DAB1: variants seen among roughly 807,000 people sequenced by gnomAD.
The protein encoded by DAB1 is DAB adaptor protein 1.
A neutral mutation model predicts 64.6 loss-of-function variants in DAB1; 15 were observed. That is an observed-to-expected ratio of 0.23 (90% CI 0.16 to 0.36). DAB1 has a LOEUF of 0.36. Among genes scored for constraint, DAB1 ranks in the 10% least tolerant of loss-of-function variants. The probability of loss-of-function intolerance (pLI) is 1.00; values close to 1 mark genes in which losing one functional copy is unlikely to be tolerated. For synonymous variants in DAB1, 235 were observed against 251.9 expected (o/e 0.93, Z 0.64); for missense variants, 596 against 706.7 (o/e 0.84, Z 1.78).
chr1:57,120,148 G>T (rs1369781020), intron 4 of DAB1, among the ~76,000 whole-genome samples: 1 of 152,026 alleles, frequency 6.6e-6, no homozygotes, highest in African/African-American at 2.4e-5. Flanking sequence ...ACAACACCTG[G>T]GTTTCAAAAC....
intron 7 of DAB1, among the ~76,000 whole-genome samples, chr1:57,612,297 A>T (rs933087695): frequency 6.6e-6 from 1 of 151,998 alleles, no homozygotes; most frequent in Non-Finnish European, 1.5e-5. Context: ...GGTCTCAAAG[A>T]TGTCCACATC....
chr1:57,695,959 TTCCAATAATC>T (rs1276101897), intron 6 of DAB1, among the ~76,000 whole-genome samples: 1 of 152,082 alleles, frequency 6.6e-6, no homozygotes. Flanking sequence ...TTTTCTGTAG[TTCCAATAATC>T]CCAAATTATT....
intron 2 of DAB1, among the ~76,000 whole-genome samples, chr1:57,200,213 T>G (rs1414965582): frequency 6.6e-6 from 1 of 152,212 alleles, no homozygotes; most frequent in Non-Finnish European, 1.5e-5. Flanking sequence ...CTGTTTCCCT[T>G]TAGCCTGAAG....
chr1:57,963,360 A>T (rs886904520), intron 5 of DAB1, among the ~76,000 whole-genome samples: 1 of 152,188 alleles, frequency 6.6e-6, no homozygotes, highest in South Asian at 2.1e-4. Flanking sequence ...GGAAAAAGTG[A>T]CATTAGGCTG....
rs1204424298 is a variant in DAB1, at chr1:57,015,062, T to A, written c.1265A>T (p.Gln422Leu). ...TTTGCGGGAGGGCACGGGCGGAGGCTGGGCCATCTGGAAATCCTTAAACGT... is the reference window on the plus strand; with the variant it reads ...TTTGCGGGAGGGCACGGGCGGAGGCAGGGCCATCTGGAAATCCTTAAACGT... ...KETFKDFQMAQPPPVPSRKPD... is the reference protein window; with the variant it reads ...KETFKDFQMALPPPVPSRKPD... Residue 422 changes from glutamine (Q) to leucine (L), a missense_variant, in exon 12 of 15, where the codon CAG (glutamine) becomes CTG (leucine). Around this residue, in one of 3 missense-constraint regions of DAB1, gnomAD observed 377 missense variants for 400.4 expected, o/e 0.94. Coordinates refer to ENST00000371236, the MANE Select transcript of DAB1 (RefSeq NM_001365792.1). 2.5e-6 allele frequency: 4 copies of A among 1,614,064 alleles called. No individual in the cohort carries two copies. The highest frequency in any genetic ancestry group is 2.2e-5 in the South Asian group (2 of 91,074).
intron 4 of DAB1, among the ~76,000 whole-genome samples, chr1:57,097,886 TCC>T (rs1654314888): frequency 6.6e-6 from 1 of 152,038 alleles, no homozygotes; most frequent in Non-Finnish European, 1.5e-5. Context: ...CATGCCATTC[TCC>T]TCCCTCAGCC....
intron 3 of DAB1, among the ~76,000 whole-genome samples, chr1:58,350,307 G>T (rs1227219540): frequency 6.6e-6 from 1 of 152,062 alleles, no homozygotes; most frequent in Non-Finnish European, 1.5e-5. Context: ...GGGGTTGTTT[G>T]TTTTTCTCTT....
intron 3 of DAB1, among the ~76,000 whole-genome samples, chr1:58,376,544 T>C (rs1442645211): frequency 7.5e-5 from 11 of 146,418 alleles, no homozygotes; most frequent in African/African-American, 2.0e-4. Context: ...GTCTGAGAGA[T>C]AGTTTGTTAT....
At chr1:57,173,042 C>A (rs927503645) in intron 2 of DAB1, among the ~76,000 whole-genome samples, 11 of 152,060 alleles carry the variant, frequency 7.2e-5, no homozygotes, top group African/African-American at 2.4e-4. Flanking sequence ...AAGTATTAGT[C>A]CTTCATAATA....
intron 4 of DAB1, among the ~76,000 whole-genome samples, chr1:57,077,503 A>G (rs1043001407): frequency 6.6e-6 from 1 of 152,234 alleles, no homozygotes; most frequent in African/African-American, 2.4e-5. Context: ...TGGATGCTCA[A>G]TACATGTTCA....
intron 3 of DAB1, among the ~76,000 whole-genome samples, chr1:58,356,270 G>C (rs1028675188): frequency 9.9e-5 from 15 of 152,120 alleles, no homozygotes; most frequent in Admixed American, 6.5e-5. Context: ...TGGCAGTATT[G>C]ACCTGTATAT....
At chr1:57,899,715 A>G (rs1644445284) in intron 5 of DAB1, among the ~76,000 whole-genome samples, 1 of 151,992 alleles carries the variant, frequency 6.6e-6, no homozygotes, top group Admixed American at 6.6e-5. Context: ...AAAGTACTTT[A>G]GAAGCCTCGT....
At chr1:57,262,783 C>T (rs544215384) in intron 2 of DAB1, among the ~76,000 whole-genome samples, 1 of 152,324 alleles carries the variant, frequency 6.6e-6, no homozygotes, top group East Asian at 1.9e-4. Context: ...CAGCATCCTG[C>T]TCCCAGCCAG....
At chr1:58,484,115 AG>A (rs1276649078) in intron 3 of DAB1, among the ~76,000 whole-genome samples, 1 of 152,234 alleles carries the variant, frequency 6.6e-6, no homozygotes, top group African/African-American at 2.4e-5. Flanking sequence ...ACAAATATTT[AG>A]AACACCACAG....
chr1:57,186,441 CATT>C (rs1317071064), intron 2 of DAB1, among the ~76,000 whole-genome samples: 1 of 152,142 alleles, frequency 6.6e-6, no homozygotes, highest in Non-Finnish European at 1.5e-5. Context: ...TGCTATAAAA[CATT>C]ATTTATTAGT....
chr1:58,292,458 C>A (rs976363743), intron 4 of DAB1, among the ~76,000 whole-genome samples: 2 of 152,060 alleles, frequency 1.3e-5, no homozygotes, highest in Non-Finnish European at 2.9e-5. Flanking sequence ...CAATTCCATT[C>A]AATACATAGG....
chr1:58,073,772 C>T (rs1048779937), intron 5 of DAB1, among the ~76,000 whole-genome samples: 1 of 152,104 alleles, frequency 6.6e-6, no homozygotes, highest in African/African-American at 2.4e-5. Context: ...GCCTTCAGCA[C>T]AATCCTTTAC....
intron 4 of DAB1, among the ~76,000 whole-genome samples, chr1:57,076,771 C>T (rs184357136): frequency 5.3e-5 from 8 of 152,280 alleles, no homozygotes; most frequent in Admixed American, 5.2e-4. Flanking sequence ...ACCCCATTTC[C>T]CTGAGTAATA....
chr1:57,091,573 G>C (rs371519789), intron 4 of DAB1, among the ~76,000 whole-genome samples: 4 of 152,178 alleles, frequency 2.6e-5, no homozygotes, highest in African/African-American at 9.7e-5. Flanking sequence ...TTCTGATTCA[G>C]AAGTTCATGC....
Sources: allele counts gnomAD v4.1 joint callset (sites outside exome capture counted in the v4.1 genomes callset), GRCh38; gene constraint gnomAD v4.1.1; regional missense constraint gnomAD v4.1.1; transcripts MANE v1.5; gene names NCBI Gene and HGNC (gene_info 2026-07-23, HGNC 2026-07-21).